DLGAP1: variants seen among roughly 807,000 people sequenced by gnomAD.
The protein encoded by DLGAP1 is DLG associated protein 1.
DLGAP1 carries 11 observed loss-of-function variants against 90.8 expected under a neutral mutation model. That is an observed-to-expected ratio of 0.12 (90% CI 0.08 to 0.20). The LOEUF is 0.20. Among genes scored for constraint, DLGAP1 ranks in the 10% least tolerant of loss-of-function variants. The pLI is 1.00. For missense variants in DLGAP1, 1,050 were observed against 1,333.8 expected (o/e 0.79, Z 3.31); for synonymous variants, 558 against 540.7 (o/e 1.03, Z -0.44).
At chr18:4,081,094 G>T (rs1388203930) in intron 2 of DLGAP1, among the ~76,000 whole-genome samples, 3 of 151,988 alleles carry the variant, frequency 2.0e-5, no homozygotes, top group Non-Finnish European at 4.4e-5. Context: ...TCCCGTGTTG[G>T]CCAGGCTGGT....
intron 4 of DLGAP1, 88 bp from the exon 5 acceptor site, chr18:3,814,361 A>AG: frequency 1.3e-6 from 1 of 796,212 alleles, no homozygotes; most frequent in Non-Finnish European, 1.7e-6. Context: ...TAACATTTCT[A>AG]TTTTTTTTTT....
intron 5 of DLGAP1, among the ~76,000 whole-genome samples, chr18:3,749,797 T>G (rs1568066784): frequency 6.6e-6 from 1 of 152,182 alleles, no homozygotes; most frequent in Non-Finnish European, 1.5e-5. Context: ...TTTCTTATTT[T>G]TTTAATCCAC....
chr18:4,373,004 T>C (rs1174608163), intron 1 of DLGAP1, among the ~76,000 whole-genome samples: 2 of 151,856 alleles, frequency 1.3e-5, no homozygotes, highest in East Asian at 1.9e-4. Context: ...ATAATGCACA[T>C]AACTGTGTAC....
At chr18:4,133,573 G>T (rs780396821) in intron 2 of DLGAP1, among the ~76,000 whole-genome samples, 11 of 152,100 alleles carry the variant, frequency 7.2e-5, no homozygotes, top group Non-Finnish European at 1.2e-4. Context: ...CAGTGGCTAA[G>T]GGCTCTGGTT....
intron 2 of DLGAP1, among the ~76,000 whole-genome samples, chr18:4,091,601 A>G (rs1413511006): frequency 2.0e-5 from 3 of 152,264 alleles, no homozygotes; most frequent in Non-Finnish European, 2.9e-5. Context: ...GGTAATATCT[A>G]TTGACCTATT....
chr18:3,814,149 G>C lies in DLGAP1; in HGVS notation c.1082C>G (p.Thr361Arg), dbSNP rs954750180. 8 of 1,614,070 alleles carry C rather than the reference G, an allele frequency of 5.0e-6. No homozygotes were observed. Among genetic ancestry groups the C allele is most frequent in the Non-Finnish European group, 6.8e-6 (8 of 1,180,002 alleles). ...AACTTTTGGAGAAGGCTTAGGACTC[G>C]TGTCTGAGTCTCCACTGTCTTCATC... ...MGDEDSGDSD[T>R]SPKPSPKVAA... Residue 361 changes from threonine (T) to arginine (R), a missense_variant, in exon 5 of 13, where the codon ACG becomes AGG. Coordinates refer to ENST00000315677, the MANE Select transcript of DLGAP1 (RefSeq NM_004746.4).
At chr18:4,426,920 A>G (rs911429003) in intron 1 of DLGAP1, among the ~76,000 whole-genome samples, 5 of 151,950 alleles carry the variant, frequency 3.3e-5, no homozygotes, top group Non-Finnish European at 4.4e-5. Context: ...TAATAAACAT[A>G]TGAAGTGACT....
chr18:4,409,121 T>G (rs1164165688), intron 1 of DLGAP1, among the ~76,000 whole-genome samples: 1 of 152,056 alleles, frequency 6.6e-6, no homozygotes, highest in African/African-American at 2.4e-5. Context: ...ATTTAAAAAA[T>G]GGTAACTTAG....
At chr18:3,531,492 C>T (rs34636726) in intron 10 of DLGAP1, among the ~76,000 whole-genome samples, 54,833 of 151,464 alleles carry the variant, frequency 0.36, 12,308 homozygotes, top group Admixed American at 0.49. Flanking sequence ...TAATATTTTA[C>T]CTTTTTTTGA....
chr18:4,087,627 A>G (rs1053972289), intron 2 of DLGAP1, among the ~76,000 whole-genome samples: 3 of 152,014 alleles, frequency 2.0e-5, no homozygotes, highest in African/African-American at 7.2e-5. Context: ...CCACAACTCT[A>G]TATTTCTGCA....
rs1418543365 is a variant in DLGAP1 at position 3,596,666 on chromosome 18, G to A, written c.1592-14418C>T. The stretch of plus-strand genomic sequence containing the variant: ...CCACGGATGTAACCACAGCACACGC[G>A]TGGCTCACGGTACTAGTGTGATAAA... On this transcript the variant is annotated intron_variant, in intron 7 of 12. Coordinates refer to ENST00000315677, the MANE Select transcript of DLGAP1 (RefSeq NM_004746.4). The A allele has an allele frequency of 3.4e-5, 12 of 351,792 alleles. No homozygotes were observed. In the East Asian group the frequency reaches 6.5e-4, roughly 19 times the overall value. The allele number at this position is 351,792 out of a possible 1,614,324, so 21.8% of individuals were successfully genotyped here.
chr18:3,753,564 GAA>G (rs2063588877), intron 5 of DLGAP1, among the ~76,000 whole-genome samples: 1 of 152,182 alleles, frequency 6.6e-6, no homozygotes, highest in Non-Finnish European at 1.5e-5. Context: ...ATATTGCTGA[GAA>G]TCTAGAAGAC....
intron 3 of DLGAP1, among the ~76,000 whole-genome samples, chr18:3,976,341 G>C (rs1375425820): frequency 1.6e-5 from 2 of 127,150 alleles, no homozygotes; most frequent in South Asian, 2.9e-4. Context: ...TGGGCAACAA[G>C]AGCAAAACTC....
At chr18:3,632,701 G>A (rs1458314642) in intron 7 of DLGAP1, among the ~76,000 whole-genome samples, 1 of 152,144 alleles carries the variant, frequency 6.6e-6, no homozygotes, top group Non-Finnish European at 1.5e-5. Context: ...ACAGTGAGAA[G>A]ATTACTTTCC....
intron 2 of DLGAP1, among the ~76,000 whole-genome samples, chr18:4,113,799 A>G (rs1412920579): frequency 2.0e-5 from 3 of 152,100 alleles, no homozygotes; most frequent in African/African-American, 4.8e-5. Flanking sequence ...ATGGTGAAAC[A>G]TAGGGGTCTA....
At chr18:4,144,397 T>C (rs1406182808) in intron 2 of DLGAP1, among the ~76,000 whole-genome samples, 1 of 152,030 alleles carries the variant, frequency 6.6e-6, no homozygotes, top group African/African-American at 2.4e-5. Flanking sequence ...CAGCACTGAG[T>C]TCCTATACAA....
rs2059397298 is a variant in DLGAP1, at chr18:3,653,948, A to G, written c.1592-71700T>C. 6.7e-6 allele frequency: 1 copy of G among 148,374 alleles called. No individual in the cohort carries two copies. The highest frequency in any genetic ancestry group is 2.6e-5 in the African/African-American group (1 of 38,126). 9.2% of individuals were successfully genotyped at this position (148,374 alleles called of 1,614,324 possible). Reference sequence around the variant, plus strand: ...GAGGTTTGATTTCTCATCAAGAGATAGTGTCCGACACACGTGCCACTGAGC... The same window carrying G: ...GAGGTTTGATTTCTCATCAAGAGATGGTGTCCGACACACGTGCCACTGAGC... On this transcript the variant is annotated intron_variant, in intron 7 of 12. Coordinates refer to ENST00000315677, the MANE Select transcript of DLGAP1 (RefSeq NM_004746.4). This position sits in a 1 kb window ranked among gnomAD's most constrained non-coding sequence, Gnocchi z 4.6.
chr18:4,257,044 CACGTGT>C (rs2078902231), intron 1 of DLGAP1, among the ~76,000 whole-genome samples: 1 of 152,134 alleles, frequency 6.6e-6, no homozygotes, highest in Non-Finnish European at 1.5e-5. Context: ...TGAATGTTAG[CACGTGT>C]ACTCACAGTA....
intron 4 of DLGAP1, among the ~76,000 whole-genome samples, chr18:3,836,165 A>G (rs995220942): frequency 6.6e-6 from 1 of 152,220 alleles, no homozygotes; most frequent in Non-Finnish European, 1.5e-5. Flanking sequence ...TAGTCAATTA[A>G]AGTATGAAAT....
Sources: allele counts gnomAD v4.1 joint callset (sites outside exome capture counted in the v4.1 genomes callset), GRCh38; gene constraint gnomAD v4.1.1; non-coding constraint Gnocchi (gnomAD v3.1); transcripts MANE v1.5; gene names NCBI Gene and HGNC (gene_info 2026-07-23, HGNC 2026-07-21).